Variants in SEMA3A observed in about 807,000 individuals in gnomAD.
The protein encoded by SEMA3A is semaphorin 3A, also known as semaphorin-3A.
A neutral mutation model predicts 97.9 loss-of-function variants in SEMA3A; 29 were observed. The observed-to-expected ratio is 0.30, with a 90% CI of 0.22 to 0.40. SEMA3A has a LOEUF of 0.40. SEMA3A is among the 10% of genes least tolerant of loss of function. The pLI is 1.00. For missense variants in SEMA3A, 763 were observed against 951.3 expected (o/e 0.80, Z 2.60); for synonymous variants, 321 against 323.7 (o/e 0.99, Z 0.09).
In SEMA3A at chr7:83,961,213, A is replaced by G; in HGVS notation, c.*158T>C. On this transcript the variant is annotated 3_prime_UTR_variant, in exon 17 of 17. Coordinates refer to ENST00000265362, the MANE Select transcript of SEMA3A (RefSeq NM_006080.3). Reference sequence around the variant, plus strand: ...AAAAAGCCTATTAGGAAAGTTACTCATGGATTTAATTTATAATTGGTGGAA... The same window carrying G: ...AAAAAGCCTATTAGGAAAGTTACTCGTGGATTTAATTTATAATTGGTGGAA... 1.5e-6 allele frequency: 1 copy of G among 652,316 alleles called. No homozygotes were observed. The highest frequency in any genetic ancestry group is 1.9e-5 in the South Asian group (1 of 52,670). 40.4% of individuals were successfully genotyped at this position (652,316 alleles called of 1,614,324 possible). A position where few individuals can be genotyped will look rare whatever the true frequency, so the allele number is the denominator to read the frequency against.
chr7:83,971,365 G>A (rs1788904647), intron 15 of SEMA3A, among the ~76,000 whole-genome samples: 1 of 151,578 alleles, frequency 6.6e-6, no homozygotes, highest in Non-Finnish European at 1.5e-5. Flanking sequence ...CCGGGACGCA[G>A]AGGTTGCATT....
At chr7:84,437,452 T>C (rs779382177) in intron 1 of SEMA3A, among the ~76,000 whole-genome samples, 16 of 152,000 alleles carry the variant, frequency 1.1e-4, no homozygotes, top group African/African-American at 3.1e-4. Flanking sequence ...GCTCATAAGA[T>C]TGAATACATT....
chr7:84,392,607 G>T (rs1803612723), intron 1 of SEMA3A, among the ~76,000 whole-genome samples: 1 of 152,052 alleles, frequency 6.6e-6, no homozygotes, highest in African/African-American at 2.4e-5. Context: ...GCCGGTAATT[G>T]AATTTTTAGT....
chr7:84,252,170 C>T (rs1799625014), intron 3 of SEMA3A, among the ~76,000 whole-genome samples: 1 of 152,082 alleles, frequency 6.6e-6, no homozygotes, highest in Non-Finnish European at 1.5e-5. Flanking sequence ...GTCATTGTTC[C>T]CTGCAGAGAC....
chr7:84,262,831 A>G (rs1799892246), intron 3 of SEMA3A, among the ~76,000 whole-genome samples: 2 of 152,194 alleles, frequency 1.3e-5, no homozygotes, highest in African/African-American at 4.8e-5. Context: ...TACATGTCAG[A>G]TGAATATTTC....
chr7:84,014,254 T>A lies in SEMA3A; in HGVS notation c.765A>T (p.Glu255Asp). 1.1e-5 allele frequency: 17 copies of A among 1,613,688 alleles called. No individual in the cohort carries two copies. Among genetic ancestry groups the A allele is most frequent in the Non-Finnish European group, 1.4e-5 (17 of 1,179,790 alleles). The change falls in exon 7 of 17, where the codon GAA (glutamate) becomes GAT (aspartate). Residue 255 changes from glutamate to aspartate, a missense_variant. By Grantham distance (45) the Glu-to-Asp change is conservative. Around this residue, in one of 2 missense-constraint regions of SEMA3A, gnomAD observed 678 missense variants for 881.3 expected, o/e 0.77. Transcript: ENST00000265362. Reference sequence around the variant, plus strand: ...TAGCGTGAGTAGCTTTTCCAGAGTGTTCTCCATCTATTGCATTTTCACGGA... The same window carrying A: ...TAGCGTGAGTAGCTTTTCCAGAGTGATCTCCATCTATTGCATTTTCACGGA... Reference protein sequence around the residue: ...FFFRENAIDGEHSGKATHARI... With the variant: ...FFFRENAIDGDHSGKATHARI...
chr7:84,469,891 G>C (rs1326705107), intron 1 of SEMA3A, among the ~76,000 whole-genome samples: 3 of 151,758 alleles, frequency 2.0e-5, no homozygotes, highest in Non-Finnish European at 4.4e-5. Context: ...TTGATAGTTG[G>C]TTCTATTCAT....
chr7:84,379,072 C>T (rs1001586798), intron 1 of SEMA3A, among the ~76,000 whole-genome samples: 41 of 151,934 alleles, frequency 2.7e-4, no homozygotes, highest in African/African-American at 5.8e-4. Flanking sequence ...GGACTACAGG[C>T]GCCCGCCACC....
intron 2 of SEMA3A, among the ~76,000 whole-genome samples, chr7:84,371,270 G>A (rs1005407955): frequency 1.3e-5 from 2 of 151,684 alleles, no homozygotes; most frequent in African/African-American, 4.8e-5. Flanking sequence ...CATATAACAT[G>A]GCTCAGAGAC....
At chr7:84,084,208 T>A (rs1282363377) in intron 4 of SEMA3A, among the ~76,000 whole-genome samples, 1 of 152,112 alleles carries the variant, frequency 6.6e-6, no homozygotes, top group Non-Finnish European at 1.5e-5. Flanking sequence ...TTCAAGTTGC[T>A]AAGAATTATT....
chr7:84,103,230 T>G (rs1431777635), intron 4 of SEMA3A, among the ~76,000 whole-genome samples: 1 of 152,122 alleles, frequency 6.6e-6, no homozygotes, highest in Non-Finnish European at 1.5e-5. Flanking sequence ...AGCAAAATCT[T>G]CCTTCATACC....
At chr7:83,983,120 A>G (rs1364988354) in intron 13 of SEMA3A, among the ~76,000 whole-genome samples, 1 of 152,126 alleles carries the variant, frequency 6.6e-6, no homozygotes, top group Non-Finnish European at 1.5e-5. Context: ...GGACAAATTA[A>G]GAAATGATGG....
At chr7:84,361,880 G>C (rs1802731026) in intron 2 of SEMA3A, among the ~76,000 whole-genome samples, 1 of 151,934 alleles carries the variant, frequency 6.6e-6, no homozygotes, top group South Asian at 2.1e-4. Context: ...TCCGAGAAGA[G>C]AGAACTGCAG....
chr7:83,980,608 A>AT (rs2116316177), intron 14 of SEMA3A, among the ~76,000 whole-genome samples: 1 of 54,822 alleles, frequency 1.8e-5, no homozygotes, highest in African/African-American at 6.7e-5. Context: ...CATCTCAAAA[A>AT]AAAAAAAAAA....
At chr7:84,460,188 AATT>A (rs1412595715) in intron 1 of SEMA3A, among the ~76,000 whole-genome samples, 1 of 152,196 alleles carries the variant, frequency 6.6e-6, no homozygotes, top group East Asian at 1.9e-4. Flanking sequence ...AATGTAAAGA[AATT>A]ATTATAATCC....
intron 4 of SEMA3A, among the ~76,000 whole-genome samples, chr7:84,063,098 T>C (rs914170795): frequency 6.6e-6 from 1 of 151,992 alleles, no homozygotes; most frequent in African/African-American, 2.4e-5. Context: ...CCTCCTCAAG[T>C]GGGTCCCTGA....
At chr7:84,369,966 A>G (rs1802937060) in intron 2 of SEMA3A, among the ~76,000 whole-genome samples, 1 of 151,324 alleles carries the variant, frequency 6.6e-6, no homozygotes, top group Admixed American at 6.6e-5. Context: ...GCTTTTGTCA[A>G]GATGGAAAGT....
intron 2 of SEMA3A, among the ~76,000 whole-genome samples, chr7:84,335,120 T>C (rs925153163): frequency 1.2e-4 from 19 of 152,162 alleles, no homozygotes; most frequent in Admixed American, 5.9e-4. Flanking sequence ...TTCTGTAAGA[T>C]AGGGAGGATA....
chr7:84,115,114 G>A (rs1200319125), intron 3 of SEMA3A, among the ~76,000 whole-genome samples: 3 of 151,996 alleles, frequency 2.0e-5, no homozygotes, highest in Non-Finnish European at 4.4e-5. Flanking sequence ...AAATAATACT[G>A]ACTCAACTAA....
Sources: gnomAD v4.1 joint callset for allele counts (sites outside exome capture counted in the v4.1 genomes callset) on GRCh38, gnomAD v4.1.1 for gene constraint, gnomAD v4.1.1 regional missense constraint, MANE v1.5 for transcripts, NCBI Gene and HGNC (gene_info 2026-07-23, HGNC 2026-07-21) for gene names.